The following GPR39 variants were observed in gnomAD, a reference collection of about 807,000 sequenced individuals.
GPR39 encodes the protein G protein-coupled receptor 39, also known as zinc sensing receptor.
A neutral mutation model predicts 18.4 loss-of-function variants in GPR39; 23 were observed. The ratio of observed to expected loss-of-function variants is 1.25; its 90% CI spans 0.90 to 1.77. GPR39 has a LOEUF of 1.77. Among genes scored for constraint, GPR39 ranks in the 40% most tolerant of loss-of-function variants. The pLI, the probability that GPR39 is intolerant of heterozygous loss-of-function variation, is 0.00. For missense variants in GPR39, 647 were observed against 602.4 expected, an observed-to-expected ratio of 1.07 and a Z score of -0.78; for synonymous variants, 280 against 257.9, an observed-to-expected ratio of 1.09 and a Z score of -0.82.
intron 1 of GPR39, among the ~76,000 whole-genome samples, chr2:132,626,004 G>T (rs1442062870): frequency 4.0e-5 from 6 of 151,896 alleles, no homozygotes; most frequent in Admixed American, 2.0e-4. Context: ...GGAGGCTGAG[G>T]CAGGAGAATG....
At chr2:132,553,249 G>A (rs1215713223) in intron 1 of GPR39, among the ~76,000 whole-genome samples, 1 of 150,684 alleles carries the variant, frequency 6.6e-6, no homozygotes, top group Non-Finnish European at 1.5e-5. Flanking sequence ...TGGTATCCTC[G>A]GGAGGTCCTG....
chr2:132,452,803 G>A (rs1331217279), intron 1 of GPR39, among the ~76,000 whole-genome samples: 6 of 113,178 alleles, frequency 5.3e-5, no homozygotes, highest in African/African-American at 1.4e-4. Context: ...AAAAGGACAT[G>A]AACTCATTCT....
At chr2:132,641,454 T>G (rs1411358262) in intron 1 of GPR39, among the ~76,000 whole-genome samples, 4 of 152,146 alleles carry the variant, frequency 2.6e-5, no homozygotes, top group Non-Finnish European at 1.5e-5. Flanking sequence ...GGGGGAGCCT[T>G]GCTGCTCTGG....
chr2:132,503,109 G>A (rs1294099205), intron 1 of GPR39, among the ~76,000 whole-genome samples: 1 of 152,180 alleles, frequency 6.6e-6, no homozygotes, highest in Non-Finnish European at 1.5e-5. Flanking sequence ...CATTGCTGGT[G>A]AGCTGGTTTG....
intron 1 of GPR39, among the ~76,000 whole-genome samples, chr2:132,613,296 A>T (rs1364075840): frequency 6.6e-6 from 1 of 152,228 alleles, no homozygotes; most frequent in Non-Finnish European, 1.5e-5. Context: ...TGCAAGGATA[A>T]GGAACATTTA....
chr2:132,454,854 T>G (rs898279369), intron 1 of GPR39, among the ~76,000 whole-genome samples: 1 of 152,166 alleles, frequency 6.6e-6, no homozygotes, highest in African/African-American at 2.4e-5. Context: ...GTAGATAAGA[T>G]TTTTGATGTG....
chr2:132,620,343 G>A (rs952271279), intron 1 of GPR39, among the ~76,000 whole-genome samples: 1 of 152,114 alleles, frequency 6.6e-6, no homozygotes, highest in African/African-American at 2.4e-5. Flanking sequence ...CATGCTGTGT[G>A]CCAGGATCTC....
chr2:132,474,750 G>T (rs1346715893), intron 1 of GPR39, among the ~76,000 whole-genome samples: 1 of 152,146 alleles, frequency 6.6e-6, no homozygotes, highest in African/African-American at 2.4e-5. Flanking sequence ...CCTGGCCTTT[G>T]CCATTTTGGG....
At chr2:132,604,947 T>G (rs1370327514) in intron 1 of GPR39, 1 of 152,218 alleles carries the variant, frequency 6.6e-6, no homozygotes, top group Non-Finnish European at 1.5e-5. Flanking sequence ...CAATGAACAC[T>G]TACTGAGTAC....
chr2:132,584,619 CA>C (rs547620619), intron 1 of GPR39, among the ~76,000 whole-genome samples: 205 of 147,074 alleles, frequency 1.4e-3, no homozygotes, highest in Middle Eastern at 3.4e-3. Context: ...CCAGTTCTTT[CA>C]GGGGAAAAAA....
intron 1 of GPR39, among the ~76,000 whole-genome samples, chr2:132,432,758 G>A (rs1028478386): frequency 6.6e-6 from 1 of 152,078 alleles, no homozygotes; most frequent in African/African-American, 2.4e-5. Flanking sequence ...GCTGTGCATA[G>A]GTATATGTCC....
At chr2:132,550,371 C>T (rs1680021804) in intron 1 of GPR39, among the ~76,000 whole-genome samples, 1 of 152,224 alleles carries the variant, frequency 6.6e-6, no homozygotes, top group Non-Finnish European at 1.5e-5. Context: ...ATACAAGGAA[C>T]AGCGCGATAC....
rs1003566506 is a variant in GPR39, at chr2:132,645,555, G to A, written c.1311G>A (p.Ala437=). 6.8e-6 allele frequency: 11 copies of A among 1,614,006 alleles called. No homozygotes were observed. Among genetic ancestry groups the A allele is most frequent in the Middle Eastern group, 1.6e-4 (1 of 6,080 alleles). ...SLESLEPNSG[A]KPANSAAENG... The stretch of plus-strand genomic sequence containing the variant: ...AGTCACTAGAGCCCAACTCAGGCGC[G>A]AAACCAGCCAATTCTGCTGCAGAGA... The change falls in exon 2 of 2, where the codon GCG becomes GCA. Residue 437 remains alanine, a synonymous_variant. Transcript: ENST00000329321.
chr2:132,491,384 T>C (rs1057098393), intron 1 of GPR39, among the ~76,000 whole-genome samples: 1 of 152,132 alleles, frequency 6.6e-6, no homozygotes, highest in African/African-American at 2.4e-5. Context: ...TTGGGCCTAA[T>C]TCTAATATTT....
chr2:132,498,568 C>A (rs1681692792), intron 1 of GPR39, among the ~76,000 whole-genome samples: 1 of 152,142 alleles, frequency 6.6e-6, no homozygotes. Context: ...ATAATGACTT[C>A]TTTTCCTCTG....
At chr2:132,492,754 A>G (rs1681513265) in intron 1 of GPR39, among the ~76,000 whole-genome samples, 1 of 132,026 alleles carries the variant, frequency 7.6e-6, no homozygotes. Flanking sequence ...CCATGTATAT[A>G]CCATATATAT....
intron 1 of GPR39, among the ~76,000 whole-genome samples, chr2:132,577,586 G>T (rs1036537081): frequency 2.6e-5 from 4 of 152,082 alleles, no homozygotes; most frequent in African/African-American, 9.7e-5. Flanking sequence ...AGTTTTTAGT[G>T]TATAAGACAT....
At chr2:132,423,290 G>A (rs1287398851) in intron 1 of GPR39, among the ~76,000 whole-genome samples, 1 of 150,120 alleles carries the variant, frequency 6.7e-6, no homozygotes, top group Non-Finnish European at 1.5e-5. Flanking sequence ...GGCCTTCTCT[G>A]CACATGTGTT....
chr2:132,461,602 C>T (rs1287552913), intron 1 of GPR39, among the ~76,000 whole-genome samples: 1 of 152,142 alleles, frequency 6.6e-6, no homozygotes, highest in Non-Finnish European at 1.5e-5. Flanking sequence ...TTGGAAAAAT[C>T]TGTTGAAAAC....
Sources: gnomAD v4.1 joint callset for allele counts (sites outside exome capture counted in the v4.1 genomes callset) on GRCh38, gnomAD v4.1.1 for gene constraint, MANE v1.5 for transcripts, NCBI Gene and HGNC (gene_info 2026-07-23, HGNC 2026-07-21) for gene names.